Variants in DRAXIN observed in about 807,000 individuals in gnomAD.
The protein encoded by DRAXIN is dorsal inhibitory axon guidance protein.
A neutral mutation model predicts 33.9 loss-of-function variants in DRAXIN; 27 were observed. The observed-to-expected ratio is 0.80, with a 90% CI of 0.59 to 1.10. The LOEUF (loss-of-function observed/expected upper bound fraction) is 1.10. Ranked by LOEUF, DRAXIN falls within the 50% of genes least tolerant of loss-of-function variation. The pLI is 0.00. For synonymous variants in DRAXIN, 178 were observed against 194.0 expected (o/e 0.92, Z 0.69); for missense variants, 371 against 460.8 (o/e 0.81, Z 1.78).
At position 11,705,085 on chromosome 1, in the gene DRAXIN, T is replaced by C. The variant is rs980467160; in HGVS notation, c.-10-1164T>C. Among the ~76,000 whole-genome samples the C allele has an allele frequency of 1.3e-5, 2 of 152,136 alleles. No homozygotes were observed. The highest frequency in any genetic ancestry group is 4.8e-5 in the African/African-American group (2 of 41,428). On this transcript the variant is annotated intron_variant, in intron 1 of 6. Coordinates refer to ENST00000294485, the MANE Select transcript of DRAXIN (RefSeq NM_198545.4). The surrounding 1 kb of genome is among the most constrained non-coding windows in gnomAD (Gnocchi z 4.8). ...AGAGGCGCCGGGAAGCAGGGAAACA[T>C]CACAGGCCCACCAACCTTTTCTCAG... is the stretch of plus-strand genomic sequence containing the variant.
upstream of DRAXIN, among the ~76,000 whole-genome samples, chr1:11,687,268 C>T (rs1640976128): frequency 6.6e-6 from 1 of 152,100 alleles, no homozygotes; most frequent in Non-Finnish European, 1.5e-5. This position sits in a 1 kb window ranked among gnomAD's most constrained non-coding sequence, Gnocchi z 4.1. Context: ...GAGACGGAGT[C>T]TCTCTCTGCC....
chr1:11,705,225 G>A lies in DRAXIN; in HGVS notation c.-10-1024G>A, dbSNP rs1023124787. Among the ~76,000 whole-genome samples, 1 of 152,202 alleles carries A rather than the reference G, an allele frequency of 6.6e-6. No homozygotes were observed. Among genetic ancestry groups the A allele is most frequent in the Non-Finnish European group, 1.5e-5 (1 of 68,040 alleles). On this transcript the variant is annotated intron_variant, in intron 1 of 6. Transcript: ENST00000294485. This position sits in a 1 kb window ranked among gnomAD's most constrained non-coding sequence, Gnocchi z 4.8. ...ATTCAATTAGCCTGGCTAACCTAGTGCCTAGCTCCAGGATACAGTGAGGTT... is the reference window on the plus strand; with the variant it reads ...ATTCAATTAGCCTGGCTAACCTAGTACCTAGCTCCAGGATACAGTGAGGTT...
intron 4 of DRAXIN, 102 bp downstream of exon 4, chr1:11,712,067 G>T: frequency 8.7e-7 from 1 of 1,147,888 alleles, no homozygotes. Context: ...ATCTTCAGAT[G>T]TCCAAAGGTG....
At chr1:11,709,925 G>A (rs1313160798) in intron 3 of DRAXIN, among the ~76,000 whole-genome samples, 1 of 152,216 alleles carries the variant, frequency 6.6e-6, no homozygotes, top group Non-Finnish European at 1.5e-5. Flanking sequence ...GGTGGCTCAT[G>A]CCTGTAATCC....
chr1:11,707,359 T>G (rs1485867417), intron 2 of DRAXIN, among the ~76,000 whole-genome samples: 1 of 152,214 alleles, frequency 6.6e-6, no homozygotes, highest in Non-Finnish European at 1.5e-5. Context: ...CTCTGACGCA[T>G]CCGGTAGGAG....
chr1:11,706,381 C>T lies in DRAXIN; in HGVS notation c.123C>T (p.His41=), dbSNP rs1469286051. 1 of 1,613,782 alleles carries T rather than the reference C, an allele frequency of 6.2e-7. No homozygotes were observed. The highest frequency in any genetic ancestry group is 2.2e-5 in the East Asian group (1 of 44,876). Residue 41 remains histidine (H), a synonymous_variant, in exon 2 of 7, where the codon CAC becomes CAT. Coordinates refer to ENST00000294485, the MANE Select transcript of DRAXIN (RefSeq NM_198545.4). This position sits in a 1 kb window ranked among gnomAD's most constrained non-coding sequence, Gnocchi z 5.5. ...CTGCCCGGAACCTCCCTGAGAATCACATTGACCTCCCAGGCCCAGCGCTGT... is the reference window on the plus strand; with the variant it reads ...CTGCCCGGAACCTCCCTGAGAATCATATTGACCTCCCAGGCCCAGCGCTGT... ...GTPARNLPEN[H]IDLPGPALWT...
chr1:11,690,880 G>C (rs987922013), upstream of DRAXIN, among the ~76,000 whole-genome samples: 7 of 152,172 alleles, frequency 4.6e-5, no homozygotes, highest in African/African-American at 1.7e-4. This position sits in a 1 kb window ranked among gnomAD's most constrained non-coding sequence, Gnocchi z 4.2. Flanking sequence ...GGTCTGAGAA[G>C]CTTCAGGCCG....
At chr1:11,697,889 C>T (rs1050466835) in intron 1 of DRAXIN, among the ~76,000 whole-genome samples, 3 of 152,098 alleles carry the variant, frequency 2.0e-5, no homozygotes, top group East Asian at 1.9e-4. Flanking sequence ...ACACTTTGGG[C>T]GATACAGAGC....
rs781313636 is a variant in DRAXIN, at chr1:11,706,498, G to T, written c.240G>T (p.Val80=). Residue 80 remains valine, a synonymous_variant, in exon 2 of 7, where the codon GTG becomes GTT. Transcript: ENST00000294485. This position sits in a 1 kb window ranked among gnomAD's most constrained non-coding sequence, Gnocchi z 5.5. ...GLPSQAQDGA[V]VTATRQASRL... is the part of the protein sequence containing the mutation. ...CCAGCCAGGCCCAGGATGGGGCTGTGGTCACCGCCACCAGGCAGGCCTCCA... is the reference window on the plus strand; with the variant it reads ...CCAGCCAGGCCCAGGATGGGGCTGTTGTCACCGCCACCAGGCAGGCCTCCA... The T allele has an allele frequency of 1.2e-6, 2 of 1,611,446 alleles. No homozygotes were observed. The highest frequency in any genetic ancestry group is 1.3e-5 in the African/African-American group (1 of 74,884).
rs1184017086 is a variant in DRAXIN at position 11,694,949 on chromosome 1, G to A, written c.-11+3096G>A. 2.6e-5 allele frequency among the ~76,000 whole-genome samples: 4 copies of A among 152,302 alleles called. No individual in the cohort carries two copies. The South Asian group carries it at 6.2e-4, about 24-fold the overall frequency. On this transcript the variant is annotated intron_variant, in intron 1 of 6. Coordinates refer to ENST00000294485, the MANE Select transcript of DRAXIN (RefSeq NM_198545.4). This position sits in a 1 kb window ranked among gnomAD's most constrained non-coding sequence, Gnocchi z 4.9. ...TGGGGTTGAAGGGGTGGTTATGAGG[G>A]ATGAGGCTCCTGCTAGAACCCAGAG... is the stretch of plus-strand genomic sequence containing the variant.
chr1:11,709,977 G>T (rs1158374503), intron 3 of DRAXIN, among the ~76,000 whole-genome samples: 1 of 152,146 alleles, frequency 6.6e-6, no homozygotes, highest in East Asian at 1.9e-4. Context: ...ACGAGGTCAG[G>T]AGTTCGAGAC....
In DRAXIN at chr1:11,706,137, G is replaced by A. The variant is rs1449404507; in HGVS notation, c.-10-112G>A. The A allele has an allele frequency of 1.9e-6, 2 of 1,051,450 alleles. No homozygotes were observed. Among genetic ancestry groups the A allele is most frequent in the African/African-American group, 3.2e-5 (2 of 62,096 alleles). The allele number at this position is 1,051,450 out of a possible 1,614,324, so 65.1% of individuals were successfully genotyped here. On this transcript the variant is annotated intron_variant, in intron 1 of 6. Transcript: ENST00000294485. The surrounding 1 kb of genome is among the most constrained non-coding windows in gnomAD (Gnocchi z 5.5). Reference sequence around the variant, plus strand: ...TTCGGGCATTGCCAAATGTCACTGGGAGCAAAATGTCCCTCTATGGCTGTT... The same window carrying A: ...TTCGGGCATTGCCAAATGTCACTGGAAGCAAAATGTCCCTCTATGGCTGTT...
In DRAXIN at chr1:11,709,461, C is replaced by T. The variant is rs1641443933; in HGVS notation, c.638C>T (p.Pro213Leu). 6.2e-7 allele frequency: 1 copy of T among 1,612,498 alleles called. No individual in the cohort carries two copies. Among genetic ancestry groups the T allele is most frequent in the Non-Finnish European group, 8.5e-7 (1 of 1,179,242 alleles). ...SLILPVTSLR[P>L]QQAQPRSDGE... ...ATCCTGCCCGTCACCTCCCTGCGGC[C>T]CCAGGTAAGGGGTCCCCAAACAGCC... The change falls in exon 3 of 7, where the codon CCC becomes CTC. Residue 213 changes from proline to leucine, a missense_variant. By Grantham distance (98) the Pro-to-Leu change is moderately conservative. Coordinates refer to ENST00000294485, the MANE Select transcript of DRAXIN (RefSeq NM_198545.4).
rs916393815 is a variant in DRAXIN, at chr1:11,692,158, C to T, written c.-11+305C>T. Reference sequence around the variant, plus strand: ...ACACTCGGCCTCGCGCGCGCCCTCGCCGCCCTCTGGGGTCCCGGCTCGCAC... The same window carrying T: ...ACACTCGGCCTCGCGCGCGCCCTCGTCGCCCTCTGGGGTCCCGGCTCGCAC... On this transcript the variant is annotated intron_variant, in intron 1 of 6. Coordinates refer to ENST00000294485, the MANE Select transcript of DRAXIN (RefSeq NM_198545.4). The surrounding 1 kb of genome is among the most constrained non-coding windows in gnomAD (Gnocchi z 5.8). Among the ~76,000 whole-genome samples the T allele has an allele frequency of 6.6e-6, 1 of 152,216 alleles. No homozygotes were observed. Among genetic ancestry groups the T allele is most frequent in the East Asian group, 1.9e-4 (1 of 5,184 alleles).
At chr1:11,715,322 G>C in intron 6 of DRAXIN, 114 bp downstream of exon 6, 1 of 1,322,648 alleles carries the variant, frequency 7.6e-7, no homozygotes, top group Non-Finnish European at 1.1e-6. Context: ...GCAGAGGGTG[G>C]ATCATGGGCC....
chr1:11,709,203 G>A (rs536555868), intron 2 of DRAXIN, 72 bp from the exon 3 acceptor site: 9 of 1,451,980 alleles, frequency 6.2e-6, no homozygotes, highest in South Asian at 5.7e-5. Flanking sequence ...AGCATAAAAC[G>A]TGGGTTCTAC....
rs144042166 is a variant in DRAXIN at position 11,720,055 on chromosome 1, G to A, written c.*359G>A. 162 of 256,264 alleles carry A rather than the reference G, an allele frequency of 6.3e-4. 2 individuals are homozygous for A. The East Asian group carries it at 0.012, about 18-fold the overall frequency. 15.9% of individuals were successfully genotyped at this position (256,264 alleles called of 1,614,324 possible). On this transcript the variant is annotated 3_prime_UTR_variant, in exon 7 of 7. Transcript: ENST00000294485. ...AGTGGAAAAGAAATTTAAACTTCCC[G>A]AAAGAAGGTCCACCATCAGGAGATG...
At chr1:11,699,390 G>T (rs911380906) in intron 1 of DRAXIN, among the ~76,000 whole-genome samples, 1 of 151,762 alleles carries the variant, frequency 6.6e-6, no homozygotes, top group Admixed American at 6.6e-5. Flanking sequence ...ACACCTTTAA[G>T]CCCTACTTGC....
At position 11,706,338 on chromosome 1, in the gene DRAXIN, C is replaced by T. The variant is rs200809242; in HGVS notation, c.80C>T (p.Ala27Val). 1.2e-5 allele frequency: 19 copies of T among 1,613,874 alleles called. No individual in the cohort carries two copies. The African/African-American group carries it at 2.3e-4, about 19-fold the overall frequency. Residue 27 changes from alanine to valine, a missense_variant, in exon 2 of 7, where the codon GCC becomes GTC. Coordinates refer to ENST00000294485, the MANE Select transcript of DRAXIN (RefSeq NM_198545.4). This position sits in a 1 kb window ranked among gnomAD's most constrained non-coding sequence, Gnocchi z 5.5. ...LLPLELSLAG[A>V]LAPGTPARNL... ...CCCCTGGAGCTGAGCCTGGCAGGCG[C>T]CCTTGCACCTGGGACCCCTGCCCGG...
Sources: gnomAD v4.1 joint callset for allele counts (sites outside exome capture counted in the v4.1 genomes callset) on GRCh38, gnomAD v4.1.1 for gene constraint, Gnocchi (gnomAD v3.1) non-coding constraint, MANE v1.5 for transcripts, NCBI Gene and HGNC (gene_info 2026-07-23, HGNC 2026-07-21) for gene names.